SKAP2: variants seen among roughly 807,000 people sequenced by gnomAD.
SKAP2 encodes src kinase-associated phosphoprotein 2.
Under a neutral mutation model 54.9 loss-of-function variants are expected in SKAP2, and 28 were observed. The observed-to-expected ratio is 0.51, with a 90% CI of 0.38 to 0.70. The LOEUF is 0.70. Ranked by LOEUF, SKAP2 falls within the 30% of genes least tolerant of loss-of-function variation. The probability of loss-of-function intolerance (pLI) is 0.00; values close to 1 mark genes in which losing one functional copy is unlikely to be tolerated. For synonymous variants in SKAP2, 137 were observed against 134.3 expected (o/e 1.02, Z -0.14); for missense variants, 356 against 424.1 (o/e 0.84, Z 1.41).
rs745483098 is a variant in SKAP2, at chr7:26,670,195, A to C, written c.988-3T>G. The C allele has an allele frequency of 2.4e-5, 33 of 1,382,944 alleles. No homozygotes were observed. 85.7% of individuals were successfully genotyped at this position (1,382,944 alleles called of 1,614,324 possible). On this transcript the variant is annotated splice_polypyrimidine_tract_variant and splice_region_variant and intron_variant, in intron 11 of 12. Coordinates refer to ENST00000345317, the MANE Select transcript of SKAP2 (RefSeq NM_003930.5). ...CACCAGCCATATCTATTGTATTCCT[A>C]ATTGAAAACAATATGCAATATTAAC...
At chr7:26,719,171 T>C (rs908197375) in intron 9 of SKAP2, among the ~76,000 whole-genome samples, 3 of 151,996 alleles carry the variant, frequency 2.0e-5, no homozygotes, top group Non-Finnish European at 2.9e-5. Context: ...CAAGACCCTA[T>C]CTTTAAAAAG....
the SKAP2 span, among the ~76,000 whole-genome samples, chr7:26,655,596 T>C: frequency 0.55 from 83,487 of 151,988 alleles, 24,192 homozygotes; most frequent in Middle Eastern, 0.68. Flanking sequence ...ATTGTATTGG[T>C]TACAATGGCT....
intron 4 of SKAP2, among the ~76,000 whole-genome samples, chr7:26,820,320 A>T (rs1193963707): frequency 6.6e-6 from 1 of 152,242 alleles, no homozygotes; most frequent in African/African-American, 2.4e-5. Flanking sequence ...AGTACATTTA[A>T]AATGAAGCTT....
intron 6 of SKAP2, among the ~76,000 whole-genome samples, chr7:26,735,778 T>A (rs1224890182): frequency 1.3e-5 from 2 of 151,936 alleles, no homozygotes; most frequent in African/African-American, 4.8e-5. Flanking sequence ...AAGAAAAAAA[T>A]TATTTGACAT....
chr7:26,844,508 C>A (rs1784885821), intron 3 of SKAP2, among the ~76,000 whole-genome samples: 1 of 151,856 alleles, frequency 6.6e-6, no homozygotes, highest in Admixed American at 6.6e-5. Context: ...ACAACAACAA[C>A]AAAACCCAGG....
rs181663151 is a variant in SKAP2 at position 26,742,080 on chromosome 7, C to T, written c.308-2116G>A. ...TGTATCCAGTTTTTTTCAAAATAAACTTGGTACATATAAAGGTATAAATTA... is the reference window on the plus strand; with the variant it reads ...TGTATCCAGTTTTTTTCAAAATAAATTTGGTACATATAAAGGTATAAATTA... On this transcript the variant is annotated intron_variant, in intron 4 of 12. Transcript: ENST00000345317. Among the ~76,000 whole-genome samples the T allele has an allele frequency of 2.4e-3, 371 of 151,878 alleles. 2 individuals are homozygous for T. The highest frequency in any genetic ancestry group is 8.2e-3 in the African/African-American group (338 of 41,422).
chr7:26,814,067 G>A (rs1784214257), intron 4 of SKAP2, among the ~76,000 whole-genome samples: 1 of 152,158 alleles, frequency 6.6e-6, no homozygotes, highest in South Asian at 2.1e-4. Flanking sequence ...TTGATCAAAC[G>A]ATGCTACTCT....
chr7:26,730,354 C>A (rs192436343), intron 6 of SKAP2, among the ~76,000 whole-genome samples: 1 of 152,324 alleles, frequency 6.6e-6, no homozygotes, highest in East Asian at 1.9e-4. Flanking sequence ...TTACCCAGCA[C>A]TGTGAAAGAC....
chr7:26,831,936 G>A (rs1009002611), intron 4 of SKAP2, among the ~76,000 whole-genome samples: 2 of 152,064 alleles, frequency 1.3e-5, no homozygotes, highest in Non-Finnish European at 2.9e-5. Flanking sequence ...TCTTTCCACA[G>A]TTCATCAAAC....
chr7:26,800,935 A>G (rs1226423675), intron 4 of SKAP2, among the ~76,000 whole-genome samples: 1 of 152,172 alleles, frequency 6.6e-6, no homozygotes, highest in Non-Finnish European at 1.5e-5. Context: ...ACTAACACCA[A>G]TCCTAATCAA....
chr7:26,699,754 T>G (rs1373010635), intron 9 of SKAP2, among the ~76,000 whole-genome samples: 1 of 152,184 alleles, frequency 6.6e-6, no homozygotes, highest in Non-Finnish European at 1.5e-5. Context: ...AGTTTAAGAA[T>G]GGCTACCCTG....
At chr7:26,809,599 GA>G (rs1341275965) in intron 4 of SKAP2, among the ~76,000 whole-genome samples, 2 of 152,092 alleles carry the variant, frequency 1.3e-5, no homozygotes, top group Non-Finnish European at 2.9e-5. Flanking sequence ...AAAGACAAAA[GA>G]TAACCAGTGT....
intron 4 of SKAP2, among the ~76,000 whole-genome samples, chr7:26,813,976 G>C (rs186490381): frequency 6.6e-6 from 1 of 152,048 alleles, no homozygotes; most frequent in Non-Finnish European, 1.5e-5. Context: ...TTGATATTAG[G>C]AGCAAATTCT....
At chr7:26,825,048 T>C (rs1321232943) in intron 4 of SKAP2, among the ~76,000 whole-genome samples, 1 of 152,222 alleles carries the variant, frequency 6.6e-6, no homozygotes, top group Non-Finnish European at 1.5e-5. Flanking sequence ...GTGCTACAGG[T>C]ACTAAGAACT....
At chr7:26,718,040 T>C (rs1787499600) in intron 9 of SKAP2, among the ~76,000 whole-genome samples, 1 of 151,916 alleles carries the variant, frequency 6.6e-6, no homozygotes, top group Non-Finnish European at 1.5e-5. Flanking sequence ...CATACATACA[T>C]ACATACATAA....
intron 4 of SKAP2, among the ~76,000 whole-genome samples, chr7:26,769,502 C>T (rs1783137314): frequency 6.6e-6 from 1 of 152,174 alleles, no homozygotes; most frequent in Non-Finnish European, 1.5e-5. Context: ...CCCTTGCTGG[C>T]AAGGAGTTGT....
chr7:26,857,375 T>C (rs1785192473), intron 1 of SKAP2: 2 of 716,162 alleles, frequency 2.8e-6, no homozygotes, highest in East Asian at 1.3e-4. Context: ...TTTTAGTTTG[T>C]TGACTGTCCA....
At chr7:26,714,975 C>A (rs184398637) in intron 9 of SKAP2, among the ~76,000 whole-genome samples, 1 of 152,084 alleles carries the variant, frequency 6.6e-6, no homozygotes, top group African/African-American at 2.4e-5. Flanking sequence ...TATGTCTTTA[C>A]TTGTTGAGAT....
chr7:26,784,281 C>A (rs541770565), intron 4 of SKAP2, among the ~76,000 whole-genome samples: 1 of 152,074 alleles, frequency 6.6e-6, no homozygotes, highest in Non-Finnish European at 1.5e-5. Flanking sequence ...GTGAATAAAC[C>A]TTGTCTTTTC....
Sources: gnomAD v4.1 joint callset for allele counts (sites outside exome capture counted in the v4.1 genomes callset) on GRCh38, gnomAD v4.1.1 for gene constraint, MANE v1.5 for transcripts, NCBI Gene and HGNC (gene_info 2026-07-23, HGNC 2026-07-21) for gene names.